MAN1A2: variants seen among roughly 807,000 people sequenced by gnomAD.
MAN1A2 encodes the protein mannosyl-oligosaccharide 1,2-alpha-mannosidase IB.
MAN1A2 carries 26 observed loss-of-function variants against 75.7 expected under a neutral mutation model. That is an observed-to-expected ratio of 0.34 (90% confidence interval 0.25 to 0.48). The LOEUF (loss-of-function observed/expected upper bound fraction) is 0.48. MAN1A2 is among the 20% of genes least tolerant of loss of function. The pLI is 0.99. For missense variants in MAN1A2, 562 were observed against 775.5 expected, an observed-to-expected ratio of 0.72 and a Z score of 3.27; for synonymous variants, 247 against 264.6, an observed-to-expected ratio of 0.93 and a Z score of 0.65.
intron 8 of MAN1A2, among the ~76,000 whole-genome samples, chr1:117,491,150 C>G (rs538241785): frequency 1.3e-5 from 2 of 152,064 alleles, no homozygotes; most frequent in East Asian, 3.9e-4. Context: ...ATGAAGGCAG[C>G]TACACTAAAC....
At chr1:117,434,792 TG>T (rs1648797953) in intron 5 of MAN1A2, among the ~76,000 whole-genome samples, 1 of 146,582 alleles carries the variant, frequency 6.8e-6, no homozygotes, top group Non-Finnish European at 1.5e-5. Flanking sequence ...TGTGTGTGTG[TG>T]TGTATCCATT....
chr1:117,430,187 G>A (rs1213036802), intron 5 of MAN1A2, among the ~76,000 whole-genome samples: 1 of 93,134 alleles, frequency 1.1e-5, no homozygotes, highest in African/African-American at 4.5e-5. Flanking sequence ...CTCCCGGACG[G>A]GGCGGCTGGC....
At position 117,525,198 on chromosome 1, in the gene MAN1A2, G is replaced by A. The variant is rs778506143; in HGVS notation, c.*2241G>A. The stretch of plus-strand genomic sequence containing the variant: ...GCAGGGAAGTATACAAGCAGAGCCA[G>A]TTCTGGTACAAACAAAGAATTTGAC... On this transcript the variant is annotated 3_prime_UTR_variant, in exon 13 of 13. Coordinates refer to ENST00000356554, the MANE Select transcript of MAN1A2 (RefSeq NM_006699.5). 1 of 498,366 alleles carries A rather than the reference G, an allele frequency of 2.0e-6. No homozygotes were observed. Among genetic ancestry groups the A allele is most frequent in the East Asian group, 5.8e-5 (1 of 17,214 alleles). 30.9% of individuals were successfully genotyped at this position (498,366 alleles called of 1,614,324 possible). A position where few individuals can be genotyped will look rare whatever the true frequency, so the allele number is the denominator to read the frequency against.
intron 8 of MAN1A2, among the ~76,000 whole-genome samples, chr1:117,488,711 A>T (rs1006308047): frequency 9.9e-5 from 15 of 152,208 alleles, no homozygotes; most frequent in South Asian, 8.3e-4. Context: ...GCATTAAATT[A>T]AAAAAAGTGA....
At chr1:117,451,931 C>T (rs1218895072) in intron 6 of MAN1A2, among the ~76,000 whole-genome samples, 8 of 151,774 alleles carry the variant, frequency 5.3e-5, no homozygotes, top group Non-Finnish European at 8.8e-5. Context: ...GAGCTTGCAG[C>T]GAGCTGAAAT....
chr1:117,387,093 C>G (rs1653553055), intron 1 of MAN1A2, among the ~76,000 whole-genome samples: 1 of 151,564 alleles, frequency 6.6e-6, no homozygotes, highest in South Asian at 2.1e-4. Context: ...AGATATTTTT[C>G]CAAAGAAGAT....
At chr1:117,417,203 C>A (rs1353469665) in intron 4 of MAN1A2, among the ~76,000 whole-genome samples, 2 of 151,988 alleles carry the variant, frequency 1.3e-5, no homozygotes, top group African/African-American at 4.8e-5. Flanking sequence ...TCAGCACAGT[C>A]ATTTTTTGTT....
At chr1:117,386,601 G>A (rs1248578129) in intron 1 of MAN1A2, among the ~76,000 whole-genome samples, 2 of 152,060 alleles carry the variant, frequency 1.3e-5, no homozygotes, top group Admixed American at 6.6e-5. Flanking sequence ...GCACCCTCTG[G>A]CTGAGGATTA....
chr1:117,521,283 T>C (rs1211003451), intron 12 of MAN1A2, among the ~76,000 whole-genome samples: 3 of 151,774 alleles, frequency 2.0e-5, no homozygotes, highest in Admixed American at 1.3e-4. Flanking sequence ...CAAAAGCAAA[T>C]GCAACAAAAA....
chr1:117,499,119 A>C (rs972392069), intron 10 of MAN1A2, among the ~76,000 whole-genome samples: 1 of 151,944 alleles, frequency 6.6e-6, no homozygotes, highest in African/African-American at 2.4e-5. Context: ...TCTTTTTGGT[A>C]GAATTAGATT....
intron 2 of MAN1A2, among the ~76,000 whole-genome samples, chr1:117,403,987 G>A (rs1343373205): frequency 6.6e-6 from 1 of 152,062 alleles, no homozygotes; most frequent in Non-Finnish European, 1.5e-5. Context: ...AATGAGTGTT[G>A]AATTTTGTCA....
chr1:117,447,419 G>T (rs1243564158), intron 6 of MAN1A2, among the ~76,000 whole-genome samples: 1 of 152,018 alleles, frequency 6.6e-6, no homozygotes, highest in Admixed American at 6.6e-5. Flanking sequence ...GAAGTATCCT[G>T]CATATGTTGG....
intron 1 of MAN1A2, among the ~76,000 whole-genome samples, chr1:117,386,367 G>A (rs1295358112): frequency 1.3e-5 from 2 of 152,102 alleles, no homozygotes; most frequent in African/African-American, 4.8e-5. Context: ...GAAACATGGG[G>A]ACATTTTTTG....
At chr1:117,412,205 T>C (rs1357037007) in intron 3 of MAN1A2, among the ~76,000 whole-genome samples, 1 of 151,780 alleles carries the variant, frequency 6.6e-6, no homozygotes, top group African/African-American at 2.4e-5. Context: ...TTCCTGTGTT[T>C]TTCGGTCTGT....
At chr1:117,450,146 G>T (rs1338804956) in intron 6 of MAN1A2, among the ~76,000 whole-genome samples, 1 of 152,204 alleles carries the variant, frequency 6.6e-6, no homozygotes, top group Non-Finnish European at 1.5e-5. Flanking sequence ...TGCTGATAGC[G>T]ATATAGACAA....
chr1:117,460,380 CAG>C (rs1649778532), intron 6 of MAN1A2, 107 bp from the exon 7 acceptor site: 1 of 637,946 alleles, frequency 1.6e-6, no homozygotes, highest in African/African-American at 1.9e-5. Flanking sequence ...GCTATCGTGT[CAG>C]ATATAATAAT....
chr1:117,429,769 C>A (rs1648537660), intron 5 of MAN1A2, among the ~76,000 whole-genome samples: 1 of 114,094 alleles, frequency 8.8e-6, no homozygotes, highest in Non-Finnish European at 1.9e-5. Flanking sequence ...CTGACCCCCC[C>A]ACCTCCCTCC....
Position 117,523,152 on chromosome 1 carries a change from T to C in MAN1A2, c.*195T>C. The C allele has an allele frequency of 1.5e-6, 1 of 682,218 alleles. No homozygotes were observed. The highest frequency in any genetic ancestry group is 1.6e-5 in the South Asian group (1 of 63,970). The allele number at this position is 682,218 out of a possible 1,614,324, so 42.3% of individuals were successfully genotyped here. ...TTCCATTTTATACCTGACCAAAACA[T>C]GTTCTGATATGTGTAGGACAGAGAC... is the stretch of plus-strand genomic sequence containing the variant. On this transcript the variant is annotated 3_prime_UTR_variant, in exon 13 of 13. Transcript: ENST00000356554.
At chr1:117,521,537 G>A (rs1207009736) in intron 12 of MAN1A2, among the ~76,000 whole-genome samples, 4 of 151,938 alleles carry the variant, frequency 2.6e-5, no homozygotes, top group Non-Finnish European at 4.4e-5. Flanking sequence ...ATATGTGGGC[G>A]TGGATGCAGT....
Sources: gnomAD v4.1 joint callset for allele counts (sites outside exome capture counted in the v4.1 genomes callset) on GRCh38, gnomAD v4.1.1 for gene constraint, MANE v1.5 for transcripts, NCBI Gene and HGNC (gene_info 2026-07-23, HGNC 2026-07-21) for gene names.